Variants in LMNA observed in about 807,000 individuals in gnomAD.
The protein encoded by LMNA is lamin.
In LMNA, 20 loss-of-function variants were observed where a neutral mutation model predicts 70.4. That is an observed-to-expected ratio of 0.28 (90% CI 0.20 to 0.41). The LOEUF (loss-of-function observed/expected upper bound fraction) is 0.41, where lower values mean the gene tolerates loss of function less well. Among genes scored for constraint, LMNA ranks in the 10% least tolerant of loss-of-function variants. LMNA has a pLI of 1.00. For synonymous variants in LMNA, 339 were observed against 372.8 expected (o/e 0.91, Z 1.04); for missense variants, 652 against 917.2 (o/e 0.71, Z 3.73).
chr1:156,126,282 TC>T, intron 1 of LMNA: 1 of 1,289,136 alleles, frequency 7.8e-7, no homozygotes, highest in Non-Finnish European at 1.0e-6. Context: ...GGCCAGCTCC[TC>T]CACCTCCCCT....
chr1:156,136,420 G>A lies in LMNA; in HGVS notation c.1364G>A (p.Arg455His), dbSNP rs267607597. The stretch of plus-strand genomic sequence containing the variant: ...GAGGAGGGCAAGTTTGTCCGGCTGC[G>A]CAACAAGTCCAATGAGGTAGGCTCC... The part of the protein sequence containing the change: ...VDEEGKFVRL[R>H]NKSNEDQSMG... The change falls in exon 7 of 12, where the codon CGC (arginine) becomes CAC (histidine). Residue 455 changes from arginine (R) to histidine (H), a missense_variant. By Grantham distance (29) the Arg-to-His change is conservative (BLOSUM62 0). Around this residue, in one of 4 missense-constraint regions of LMNA, gnomAD observed 327 missense variants for 387.6 expected, o/e 0.84. Coordinates refer to ENST00000368300, the MANE Select transcript of LMNA (RefSeq NM_170707.4). This position sits in a 1 kb window ranked among gnomAD's most constrained non-coding sequence, Gnocchi z 6.1. 9 of 1,586,754 alleles carry A rather than the reference G, an allele frequency of 5.7e-6. No homozygotes were observed. The highest frequency in any genetic ancestry group is 4.0e-5 in the African/African-American group (3 of 74,230).
At chr1:156,125,050 T>C (rs944990884) in intron 1 of LMNA, among the ~76,000 whole-genome samples, 1 of 152,200 alleles carries the variant, frequency 6.6e-6, no homozygotes, top group African/African-American at 2.4e-5. Context: ...AGGCTTTAGT[T>C]TCCCCCTGTA....
Position 156,136,249 on chromosome 1 carries a change from G to A in LMNA, c.1193G>A (p.Ser398Asn), listed in dbSNP as rs1651606835. The A allele has an allele frequency of 6.2e-7, 1 of 1,611,938 alleles. No individual in the cohort carries two copies. Among genetic ancestry groups the A allele is most frequent in the Non-Finnish European group, 8.5e-7 (1 of 1,180,042 alleles). Reference protein sequence around the residue: ...RLSPSPTSQRSRGRASSHSSQ... With the variant: ...RLSPSPTSQRNRGRASSHSSQ... The stretch of plus-strand genomic sequence containing the variant: ...TCCCCCAGCCCTACCTCGCAGCGCA[G>A]CCGTGGCCGTGCTTCCTCTCACTCA... Residue 398 changes from serine to asparagine, a missense_variant, in exon 7 of 12, where the codon AGC becomes AAC. Coordinates refer to ENST00000368300, the MANE Select transcript of LMNA (RefSeq NM_170707.4). This position sits in a 1 kb window ranked among gnomAD's most constrained non-coding sequence, Gnocchi z 6.1.
upstream of LMNA, among the ~76,000 whole-genome samples, chr1:156,114,336 T>A (rs1336267316): frequency 1.8e-4 from 28 of 151,998 alleles, no homozygotes; most frequent in Non-Finnish European, 3.1e-4. Flanking sequence ...CTTTCCTGGC[T>A]CCCAGCCCTG....
chr1:156,113,307 AAAAC>A (rs527531139), upstream of LMNA, among the ~76,000 whole-genome samples: 4 of 151,968 alleles, frequency 2.6e-5, no homozygotes, highest in South Asian at 2.1e-4. Context: ...TAATCTCAAA[AAAAC>A]AAACAAACAA....
Position 156,134,674 on chromosome 1 carries a change from G to A in LMNA, c.640-131G>A. On this transcript the variant is annotated intron_variant, in intron 3 of 11. Coordinates refer to ENST00000368300, the MANE Select transcript of LMNA (RefSeq NM_170707.4). This position sits in a 1 kb window ranked among gnomAD's most constrained non-coding sequence, Gnocchi z 5.3. Reference sequence around the variant, plus strand: ...GGGAGTTGGGGGTGGCCAGCACTCAGCTCCCAGGTTAAAGTGGGGCTGGTA... The same window carrying A: ...GGGAGTTGGGGGTGGCCAGCACTCAACTCCCAGGTTAAAGTGGGGCTGGTA... 54 of 1,543,198 alleles carry A rather than the reference G, an allele frequency of 3.5e-5. No homozygotes were observed. Among genetic ancestry groups the A allele is most frequent in the Non-Finnish European group, 4.8e-5 (54 of 1,119,572 alleles).
intron 2 of LMNA, among the ~76,000 whole-genome samples, chr1:156,083,791 C>A (rs770501321): frequency 6.6e-6 from 1 of 151,786 alleles, no homozygotes; most frequent in Non-Finnish European, 1.5e-5. Flanking sequence ...CACAAAAAAA[C>A]AAAAACAAAA....
Position 156,115,425 on chromosome 1 carries a change from T to A in LMNA, c.356+151T>A. 1.4e-6 allele frequency: 1 copy of A among 730,126 alleles called. No homozygotes were observed. The highest frequency in any genetic ancestry group is 1.5e-5 in the South Asian group (1 of 65,454). The allele number at this position is 730,126 out of a possible 1,614,324, so 45.2% of individuals were successfully genotyped here. On this transcript the variant is annotated intron_variant, in intron 1 of 11. Transcript: ENST00000368300. The surrounding 1 kb of genome is among the most constrained non-coding windows in gnomAD (Gnocchi z 5.8). The stretch of plus-strand genomic sequence containing the variant: ...CCTCCCCGGAACTGCCCCCAGCGGG[T>A]GACTGGCAGTGTCAAGGGGAATTGT...
chr1:156,110,975 C>CA (rs1018367301), upstream of LMNA, among the ~76,000 whole-genome samples: 1 of 151,296 alleles, frequency 6.6e-6, no homozygotes. Context: ...GACTCCAACT[C>CA]AAAAAAAATT....
chr1:156,135,359 C>A lies in LMNA; in HGVS notation c.936+47C>A. ...CTCTCCAGGGGCCTAGAGTCTGGGC[C>A]GGATGCAGGCTGGAAGCCCAGGGTT... On this transcript the variant is annotated intron_variant, in intron 5 of 11. Coordinates refer to ENST00000368300, the MANE Select transcript of LMNA (RefSeq NM_170707.4). The surrounding 1 kb of genome is among the most constrained non-coding windows in gnomAD (Gnocchi z 4.8). 1 of 1,211,478 alleles carries A rather than the reference C, an allele frequency of 8.3e-7. No homozygotes were observed. The highest frequency in any genetic ancestry group is 1.2e-5 in the South Asian group (1 of 82,126). 75.0% of individuals were successfully genotyped at this position (1,211,478 alleles called of 1,614,324 possible). A position where few individuals can be genotyped will look rare whatever the true frequency, so the allele number is the denominator to read the frequency against.
chr1:156,138,247 T>G lies in LMNA; in HGVS notation c.1699-241T>G, dbSNP rs1431587225. 3.4e-6 allele frequency: 2 copies of G among 595,612 alleles called. No homozygotes were observed. The highest frequency in any genetic ancestry group is 3.7e-5 in the African/African-American group (2 of 53,720). 36.9% of individuals were successfully genotyped at this position (595,612 alleles called of 1,614,324 possible). On this transcript the variant is annotated intron_variant, in intron 10 of 11. Coordinates refer to ENST00000368300, the MANE Select transcript of LMNA (RefSeq NM_170707.4). This position sits in a 1 kb window ranked among gnomAD's most constrained non-coding sequence, Gnocchi z 5.5. ...TAAGCTCAGAGTAGCTAGAACAGAG[T>G]CAGAGTCACTGCTCTGGTTCTCTGT...
rs565155832 is a variant in LMNA at position 156,132,991 on chromosome 1, C to G, written c.514-1412C>G. Among the ~76,000 whole-genome samples the G allele has an allele frequency of 1.8e-4, 28 of 152,086 alleles. 1 individual carries two copies. The South Asian group carries it at 5.4e-3, about 29-fold the overall frequency. On this transcript the variant is annotated intron_variant, in intron 2 of 11. Coordinates refer to ENST00000368300, the MANE Select transcript of LMNA (RefSeq NM_170707.4). ...AGTAGCTGGGATTACAGGTGCCCAC[C>G]ACCATGCCCAGCTACTTTTTGGATT... is the stretch of plus-strand genomic sequence containing the variant.
rs476000 is a variant in LMNA, at chr1:156,136,578, G to A, written c.1380+142G>A. 99,143 of 896,152 alleles carry A rather than the reference G, an allele frequency of 0.11. 14,419 individuals are homozygous for A. Among genetic ancestry groups the A allele is most frequent in the African/African-American group, 0.61 (36,847 of 59,968 alleles). The allele number at this position is 896,152 out of a possible 1,614,324, so 55.5% of individuals were successfully genotyped here. A position where few individuals can be genotyped will look rare whatever the true frequency, so the allele number is the denominator to read the frequency against. On this transcript the variant is annotated intron_variant, in intron 7 of 11. Transcript: ENST00000368300. The surrounding 1 kb of genome is among the most constrained non-coding windows in gnomAD (Gnocchi z 6.1). ...AGCCTGTATATCTCCTCCACACTCT[G>A]GTTCCAGGCCTGGCTCCTGGACTCT...
In LMNA at chr1:156,138,455, G is replaced by C; in HGVS notation, c.1699-33G>C. 6.2e-7 allele frequency: 1 copy of C among 1,604,374 alleles called. No homozygotes were observed. Among genetic ancestry groups the C allele is most frequent in the Non-Finnish European group, 8.5e-7 (1 of 1,177,086 alleles). ...GGCCTGAGTGGTCAGTCCCAGACTC[G>C]CCGTCCCGCCTGAGCCTTGTCTCCC... On this transcript the variant is annotated intron_variant, in intron 10 of 11. Coordinates refer to ENST00000368300, the MANE Select transcript of LMNA (RefSeq NM_170707.4). This position sits in a 1 kb window ranked among gnomAD's most constrained non-coding sequence, Gnocchi z 5.5.
chr1:156,104,156 C>T (rs1019223982), intron 3 of LMNA, among the ~76,000 whole-genome samples: 4 of 152,218 alleles, frequency 2.6e-5, no homozygotes, highest in African/African-American at 7.2e-5. Flanking sequence ...CCAGCTTGGG[C>T]GTGTTGGGCG....
At chr1:156,088,932 G>A (rs541936416) in intron 2 of LMNA, among the ~76,000 whole-genome samples, 7 of 152,340 alleles carry the variant, frequency 4.6e-5, no homozygotes, top group East Asian at 1.9e-4. Context: ...TATTATAGGC[G>A]TGAGCCACCG....
At chr1:156,122,708 A>G (rs1413050256) in intron 1 of LMNA, among the ~76,000 whole-genome samples, 1 of 152,208 alleles carries the variant, frequency 6.6e-6, no homozygotes, top group African/African-American at 2.4e-5. Flanking sequence ...GGCTAGGGCG[A>G]AGGCCTAGGA....
In LMNA at chr1:156,139,669, C is replaced by T. The variant is rs1231389666; in HGVS notation, c.*563C>T. The T allele has an allele frequency of 2.7e-6, 4 of 1,506,820 alleles. No homozygotes were observed. Among genetic ancestry groups the T allele is most frequent in the Admixed American group, 4.1e-5 (2 of 48,232 alleles). The allele number at this position is 1,506,820 out of a possible 1,614,324, so 93.3% of individuals were successfully genotyped here. A position where few individuals can be genotyped will look rare whatever the true frequency, so the allele number is the denominator to read the frequency against. ...ATTCCACTACACCTGGCTGAGGTTC[C>T]TCTGCCTGCCCCGCCCCCAGTCCCC... is the stretch of plus-strand genomic sequence containing the variant. On this transcript the variant is annotated 3_prime_UTR_variant, in exon 12 of 12. Coordinates refer to ENST00000368300, the MANE Select transcript of LMNA (RefSeq NM_170707.4).
Position 156,135,872 on chromosome 1 carries a change from G to A in LMNA, c.937-29G>A. The A allele has an allele frequency of 6.2e-7, 1 of 1,601,100 alleles. No individual in the cohort carries two copies. Among genetic ancestry groups the A allele is most frequent in the Non-Finnish European group, 8.5e-7 (1 of 1,170,252 alleles). ...TTCCCCATACTTAGGGCCCTTGGGA[G>A]CTCACCAAACCCTCCCACCCCCCTT... On this transcript the variant is annotated intron_variant, in intron 5 of 11. Transcript: ENST00000368300. The surrounding 1 kb of genome is among the most constrained non-coding windows in gnomAD (Gnocchi z 4.8).
Sources: allele counts gnomAD v4.1 joint callset (sites outside exome capture counted in the v4.1 genomes callset), GRCh38; gene constraint gnomAD v4.1.1; regional missense constraint gnomAD v4.1.1; non-coding constraint Gnocchi (gnomAD v3.1); transcripts MANE v1.5; gene names NCBI Gene and HGNC (gene_info 2026-07-23, HGNC 2026-07-21).